The following TIAM1 variants were observed in gnomAD, a reference collection of about 807,000 sequenced individuals.
TIAM1 encodes rho guanine nucleotide exchange factor TIAM1.
Under a neutral mutation model 163.5 loss-of-function variants are expected in TIAM1, and 65 were observed. That is an observed-to-expected ratio of 0.40 (90% CI 0.33 to 0.49). The LOEUF (loss-of-function observed/expected upper bound fraction) is 0.49. Among genes scored for constraint, TIAM1 ranks in the 20% least tolerant of loss-of-function variants. The pLI, the probability that TIAM1 is intolerant of heterozygous loss-of-function variation, is 0.77. For synonymous variants in TIAM1, 833 were observed against 810.1 expected (o/e 1.03, Z -0.48); for missense variants, 1,789 against 2,044.7 (o/e 0.87, Z 2.41).
At chr21:31,428,821 T>C (rs866107145) in intron 2 of TIAM1, among the ~76,000 whole-genome samples, 2 of 150,958 alleles carry the variant, frequency 1.3e-5, no homozygotes, top group African/African-American at 4.9e-5. Flanking sequence ...AGGCCAAGGC[T>C]GCAGTGAGCT....
intron 4 of TIAM1, among the ~76,000 whole-genome samples, chr21:31,263,895 T>TTA (rs2072615300): frequency 6.6e-6 from 1 of 152,218 alleles, no homozygotes; most frequent in African/African-American, 2.4e-5. Context: ...AGGTGACTCT[T>TTA]TAATAGGTCA....
chr21:31,210,196 A>G lies in TIAM1; in HGVS notation c.2237T>C (p.Leu746Ser), dbSNP rs750544525. The G allele has an allele frequency of 6.2e-7, 1 of 1,614,110 alleles. No homozygotes were observed. The highest frequency in any genetic ancestry group is 1.7e-5 in the Admixed American group (1 of 60,012). Reference sequence around the variant, plus strand: ...AGGGTTGTGCTGGTGAACGTTAGGTAAGACCACTTCTTTCTCCCTCTATAA... The same window carrying G: ...AGGGTTGTGCTGGTGAACGTTAGGTGAGACCACTTCTTTCTCCCTCTATAA... ...PDGKREKEVV[L>S]PNVHQHNPDC... The change falls in exon 11 of 28, where the codon TTA becomes TCA. Residue 746 changes from leucine to serine, a missense_variant. Transcript: ENST00000541036.
intron 2 of TIAM1, among the ~76,000 whole-genome samples, chr21:31,408,460 G>C (rs1257786421): frequency 6.6e-6 from 1 of 152,108 alleles, no homozygotes; most frequent in African/African-American, 2.4e-5. Flanking sequence ...CAGCTAAAAG[G>C]ATTCAAAATT....
At chr21:31,298,082 C>T (rs978766217) in intron 2 of TIAM1, among the ~76,000 whole-genome samples, 2 of 152,160 alleles carry the variant, frequency 1.3e-5, no homozygotes, top group African/African-American at 4.8e-5. Context: ...CTCTTACACC[C>T]ATTTCTGTGT....
Position 31,127,067 on chromosome 21 carries a change from G to A in TIAM1, c.4131C>T (p.Cys1377=). 6.2e-7 allele frequency: 1 copy of A among 1,613,934 alleles called. No individual in the cohort carries two copies. The highest frequency in any genetic ancestry group is 8.5e-7 in the Non-Finnish European group (1 of 1,179,824). The change falls in exon 26 of 28, where the codon TGC becomes TGT. Residue 1377 remains cysteine, a splice_region_variant and synonymous_variant. Coordinates refer to ENST00000541036, the MANE Select transcript of TIAM1 (RefSeq NM_001353694.2). ...CGACTTTACAGGCCCAGGCTCACCT[G>A]CAGCACAAGTGAAAGACCCTCTCCG... is the stretch of plus-strand genomic sequence containing the variant. ...GRPERVFHLC[C]SSPESRKDFL... is the part of the protein sequence containing the mutation.
chr21:31,418,084 G>GGT (rs1199045571), intron 2 of TIAM1, among the ~76,000 whole-genome samples: 2 of 152,030 alleles, frequency 1.3e-5, no homozygotes, highest in East Asian at 3.9e-4. Context: ...GGCCAGGTGC[G>GGT]GTGGCTCATA....
intron 11 of TIAM1, among the ~76,000 whole-genome samples, chr21:31,205,357 T>C (rs2086396280): frequency 6.6e-6 from 1 of 151,850 alleles, no homozygotes; most frequent in South Asian, 2.1e-4. Flanking sequence ...CTTATCATCA[T>C]CATTAATAAA....
chr21:31,207,160 C>T (rs954831771), intron 11 of TIAM1, among the ~76,000 whole-genome samples: 2 of 152,108 alleles, frequency 1.3e-5, no homozygotes, highest in Admixed American at 6.6e-5. Context: ...GTAGTTGTAA[C>T]GATCAGAATA....
chr21:31,333,549 C>T lies in TIAM1; in HGVS notation c.-189+5694G>A, dbSNP rs531957741. Among the ~76,000 whole-genome samples the T allele has an allele frequency of 1.1e-4, 16 of 152,246 alleles. No homozygotes were observed. The South Asian group carries it at 2.9e-3, about 28-fold the overall frequency. ...ACCTTCTGGGCTCAAGCAATCCTCC[C>T]GCCTCAGCTTCCTGCGTAGCTGGGA... is the stretch of plus-strand genomic sequence containing the variant. On this transcript the variant is annotated intron_variant, in intron 2 of 27. Transcript: ENST00000541036.
At chr21:31,228,229 A>T (rs1199664470) in intron 6 of TIAM1, among the ~76,000 whole-genome samples, 1 of 102,578 alleles carries the variant, frequency 9.7e-6, no homozygotes, top group Non-Finnish European at 1.7e-5. Context: ...TTAAAAAAAA[A>T]AAAAAAAAAA....
chr21:31,534,754 G>C (rs2048073817), intron 1 of TIAM1, among the ~76,000 whole-genome samples: 1 of 152,080 alleles, frequency 6.6e-6, no homozygotes, highest in Non-Finnish European at 1.5e-5. Context: ...ACTGAATCTT[G>C]ACTGCCCCCA....
chr21:31,364,967 T>C (rs567594542), intron 2 of TIAM1, among the ~76,000 whole-genome samples: 3 of 152,328 alleles, frequency 2.0e-5, no homozygotes, highest in African/African-American at 7.2e-5. Context: ...AGTAAGTAAA[T>C]GAAAATGACT....
chr21:31,362,935 G>A (rs944850613), intron 2 of TIAM1, among the ~76,000 whole-genome samples: 1 of 151,914 alleles, frequency 6.6e-6, no homozygotes, highest in Non-Finnish European at 1.5e-5. Context: ...CATAGGATTG[G>A]TGGAAGAGAC....
chr21:31,123,664 G>A (rs994974651), intron 27 of TIAM1, among the ~76,000 whole-genome samples: 35 of 152,306 alleles, frequency 2.3e-4, no homozygotes, highest in African/African-American at 7.2e-4. Context: ...ACAAAGGCCA[G>A]AAACTTTTCT....
rs538996568 is a variant in TIAM1, at chr21:31,193,261, T to C, written c.2575+1963A>G. Among the ~76,000 whole-genome samples the C allele has an allele frequency of 1.4e-4, 21 of 152,368 alleles. 1 individual carries two copies. In the South Asian group the frequency reaches 3.5e-3, roughly 26 times the overall value. ...GAACCTTGGCTGGTATCCTGAGAACTTGGATTTTGGGAGGGTTCCCAACAC... is the reference window on the plus strand; with the variant it reads ...GAACCTTGGCTGGTATCCTGAGAACCTGGATTTTGGGAGGGTTCCCAACAC... On this transcript the variant is annotated intron_variant, in intron 13 of 27. Transcript: ENST00000541036.
intron 6 of TIAM1, among the ~76,000 whole-genome samples, chr21:31,234,864 T>G (rs542145933): frequency 6.6e-6 from 1 of 152,006 alleles, no homozygotes; most frequent in Admixed American, 6.6e-5. Flanking sequence ...AAGGAAATGA[T>G]GCTAAAGAGA....
intron 1 of TIAM1, among the ~76,000 whole-genome samples, chr21:31,526,545 T>C (rs972155712): frequency 2.0e-5 from 3 of 152,284 alleles, no homozygotes; most frequent in Middle Eastern, 3.4e-3. Flanking sequence ...TCCCTTTTTT[T>C]CTAAGACGAT....
intron 1 of TIAM1, among the ~76,000 whole-genome samples, chr21:31,474,063 AAGAG>A (rs2045852025): frequency 1.3e-5 from 2 of 152,160 alleles, no homozygotes. Flanking sequence ...GAGAGAGCGC[AAGAG>A]AGAGAAGGAA....
intron 23 of TIAM1, among the ~76,000 whole-genome samples, chr21:31,135,689 T>C (rs573082278): frequency 6.6e-6 from 1 of 152,290 alleles, no homozygotes; most frequent in Non-Finnish European, 1.5e-5. Context: ...TGTGTTTATG[T>C]CTGGGATAGA....
Sources: gnomAD v4.1 joint callset for allele counts (sites outside exome capture counted in the v4.1 genomes callset) on GRCh38, gnomAD v4.1.1 for gene constraint, MANE v1.5 for transcripts, NCBI Gene and HGNC (gene_info 2026-07-23, HGNC 2026-07-21) for gene names.